The following MECOM variants were observed in gnomAD, a reference collection of about 807,000 sequenced individuals.
MECOM encodes histone-lysine N-methyltransferase MECOM.
MECOM carries 13 observed loss-of-function variants against 116.3 expected under a neutral mutation model. The ratio of observed to expected loss-of-function variants is 0.11; its 90% confidence interval spans 0.07 to 0.18. MECOM has a LOEUF of 0.18. Ranked by LOEUF, MECOM falls within the 10% of genes least tolerant of loss-of-function variation. The probability of loss-of-function intolerance (pLI) is 1.00; values close to 1 mark genes in which losing one functional copy is unlikely to be tolerated. For missense variants in MECOM, 1,299 were observed against 1,509.0 expected, an observed-to-expected ratio of 0.86 and a Z score of 2.31; for synonymous variants, 528 against 535.2, an observed-to-expected ratio of 0.99 and a Z score of 0.19.
intron 5 of MECOM, among the ~76,000 whole-genome samples, chr3:169,124,522 G>A (rs77634292): frequency 0.028 from 4,161 of 147,114 alleles, 197 homozygotes; most frequent in African/African-American, 0.099. Context: ...CTTTATAACT[G>A]AGGAAATTTG....
chr3:169,527,144 A>C (rs1758053641), intron 1 of MECOM, among the ~76,000 whole-genome samples: 1 of 152,218 alleles, frequency 6.6e-6, no homozygotes, highest in Admixed American at 6.5e-5. Flanking sequence ...GATATTTCGA[A>C]CCAACCTACC....
chr3:169,562,995 T>C (rs529395410), intron 1 of MECOM, among the ~76,000 whole-genome samples: 1 of 138,436 alleles, frequency 7.2e-6, no homozygotes, highest in South Asian at 2.2e-4. Flanking sequence ...ACCCAGGAGG[T>C]GGAGGTTGCA....
At chr3:169,216,510 T>A (rs942045567) in intron 2 of MECOM, among the ~76,000 whole-genome samples, 1 of 151,664 alleles carries the variant, frequency 6.6e-6, no homozygotes, top group Non-Finnish European at 1.5e-5. Context: ...ATTTCCTGCA[T>A]ACATTTTTGC....
chr3:169,187,858 T>C (rs183697247), intron 2 of MECOM, among the ~76,000 whole-genome samples: 4 of 152,220 alleles, frequency 2.6e-5, no homozygotes, highest in Admixed American at 2.6e-4. Flanking sequence ...TTAACTTGGG[T>C]TATCAGCTAC....
intron 1 of MECOM, among the ~76,000 whole-genome samples, chr3:169,598,036 C>A (rs1338978463): frequency 6.6e-6 from 1 of 152,112 alleles, no homozygotes; most frequent in African/African-American, 2.4e-5. Context: ...CTACAGGAAA[C>A]CATAATAAAT....
chr3:169,166,048 T>C (rs1743547493), intron 2 of MECOM, among the ~76,000 whole-genome samples: 1 of 152,140 alleles, frequency 6.6e-6, no homozygotes, highest in Non-Finnish European at 1.5e-5. Flanking sequence ...TCCCTAACTG[T>C]AGGGAGAAAT....
rs535698177 is a variant in MECOM, at chr3:169,562,763, T to C, written c.37+100573A>G. The stretch of plus-strand genomic sequence containing the variant: ...ACAGTCTGGGGGGCTGCTTATCACA[T>C]AGAAATGCTGGTAGGGGGCTGGGTG... On this transcript the variant is annotated intron_variant, in intron 1 of 16. Coordinates refer to ENST00000651503, the MANE Select transcript of MECOM (RefSeq NM_004991.4). Among the ~76,000 whole-genome samples, 14 of 152,068 alleles carry C rather than the reference T, an allele frequency of 9.2e-5. No homozygotes were observed. The South Asian group carries it at 2.7e-3, about 29-fold the overall frequency.
At position 169,466,473 on chromosome 3, in the gene MECOM, A is replaced by G. The variant is rs574652147; in HGVS notation, c.38-84949T>C. Among the ~76,000 whole-genome samples, 12 of 152,304 alleles carry G rather than the reference A, an allele frequency of 7.9e-5. No homozygotes were observed. The South Asian group carries it at 2.5e-3, about 32-fold the overall frequency. On this transcript the variant is annotated intron_variant, in intron 1 of 16. Coordinates refer to ENST00000651503, the MANE Select transcript of MECOM (RefSeq NM_004991.4). ...TATTGATTTTTGGTCCATTCTCTTT[A>G]AAAGTGAGATCTAAAAAGTTGACAG... is the stretch of plus-strand genomic sequence containing the variant.
intron 9 of MECOM, among the ~76,000 whole-genome samples, chr3:169,112,311 TG>T (rs1292619234): frequency 6.6e-6 from 1 of 152,172 alleles, no homozygotes; most frequent in Non-Finnish European, 1.5e-5. Flanking sequence ...AGAGCTTTGC[TG>T]GAATGCTCAG....
intron 2 of MECOM, among the ~76,000 whole-genome samples, chr3:169,215,581 T>C (rs1416566492): frequency 6.6e-6 from 1 of 152,168 alleles, no homozygotes; most frequent in Admixed American, 6.6e-5. Context: ...TCATTGACTT[T>C]TTACTCTTAT....
intron 1 of MECOM, among the ~76,000 whole-genome samples, chr3:169,404,514 A>G (rs1267976498): frequency 1.3e-5 from 2 of 152,246 alleles, no homozygotes; most frequent in Non-Finnish European, 2.9e-5. Flanking sequence ...AATCCAAAGC[A>G]AACAATCCAA....
intron 1 of MECOM, among the ~76,000 whole-genome samples, chr3:169,393,350 A>G (rs1184417213): frequency 2.6e-5 from 4 of 152,142 alleles, no homozygotes; most frequent in Non-Finnish European, 5.9e-5. Flanking sequence ...CTGGTGTCTT[A>G]CACTACCCAC....
intron 2 of MECOM, among the ~76,000 whole-genome samples, chr3:169,235,337 G>A (rs962982833): frequency 2.0e-5 from 3 of 152,002 alleles, no homozygotes; most frequent in Non-Finnish European, 4.4e-5. Context: ...AAATGTTGCT[G>A]TTTATTTCTA....
intron 2 of MECOM, among the ~76,000 whole-genome samples, chr3:169,158,479 G>A (rs1266910630): frequency 3.9e-5 from 6 of 152,114 alleles, no homozygotes; most frequent in Non-Finnish European, 8.8e-5. Context: ...ACGGAAACAC[G>A]AATCATCTGT....
At chr3:169,577,067 G>A (rs1764603365) in intron 1 of MECOM, among the ~76,000 whole-genome samples, 1 of 152,060 alleles carries the variant, frequency 6.6e-6, no homozygotes. Flanking sequence ...TCTGAATCCT[G>A]GTTTTGCCAC....
chr3:169,147,441 G>C, intron 2 of MECOM: 1 of 985,452 alleles, frequency 1.0e-6, no homozygotes, highest in Non-Finnish European at 1.2e-6. Flanking sequence ...GAGGGAGAAA[G>C]GGAGCTATCT....
intron 2 of MECOM, among the ~76,000 whole-genome samples, chr3:169,262,898 T>G (rs1260380525): frequency 6.6e-6 from 1 of 151,530 alleles, no homozygotes; most frequent in Non-Finnish European, 1.5e-5. Context: ...CCCAGGCTGC[T>G]TGCTACCCCT....
chr3:169,169,084 C>T (rs1441747783), intron 2 of MECOM, among the ~76,000 whole-genome samples: 1 of 151,976 alleles, frequency 6.6e-6, no homozygotes, highest in Non-Finnish European at 1.5e-5. Flanking sequence ...GTAATGTTTC[C>T]TCTTCATCTA....
At chr3:169,420,619 A>C (rs1024705311) in intron 1 of MECOM, among the ~76,000 whole-genome samples, 15 of 152,244 alleles carry the variant, frequency 9.9e-5, no homozygotes, top group African/African-American at 3.4e-4. Context: ...ATAGGTAGTG[A>C]AAAGGGAGAA....
Sources: allele counts gnomAD v4.1 joint callset (sites outside exome capture counted in the v4.1 genomes callset), GRCh38; gene constraint gnomAD v4.1.1; transcripts MANE v1.5; gene names NCBI Gene and HGNC (gene_info 2026-07-23, HGNC 2026-07-21).